The following GATB variants were observed in gnomAD, a reference collection of about 807,000 sequenced individuals.
The protein encoded by GATB is glutamyl-tRNA amidotransferase subunit B.
GATB carries 39 observed loss-of-function variants against 62.3 expected under a neutral mutation model. That is an observed-to-expected ratio of 0.63 (90% CI 0.48 to 0.82). The LOEUF (loss-of-function observed/expected upper bound fraction) is 0.82, where lower values mean the gene tolerates loss of function less well. GATB is among the 40% of genes least tolerant of loss of function. The probability of loss-of-function intolerance (pLI) is 0.00; values close to 1 mark genes in which losing one functional copy is unlikely to be tolerated. For missense variants in GATB, 670 were observed against 684.0 expected, an observed-to-expected ratio of 0.98 and a Z score of 0.23; for synonymous variants, 276 against 258.9, an observed-to-expected ratio of 1.07 and a Z score of -0.63.
At chr4:151,699,620 G>T (rs907143409) in intron 9 of GATB, among the ~76,000 whole-genome samples, 2 of 152,082 alleles carry the variant, frequency 1.3e-5, no homozygotes, top group African/African-American at 4.8e-5. Context: ...GGTAAGGCAG[G>T]CACTGTCCCC....
chr4:151,679,855 G>C lies in GATB; in HGVS notation c.1368C>G (p.Asp456Glu). The part of the protein sequence containing the change: ...VTPSALAELL[D>E]LLDSRTISSS... ...AAGAAATTGTTCTGCTGTCCAGCAG[G>C]TCAAGAAGCTCAGCGAGTGCAGAGG... Residue 456 changes from aspartate (D) to glutamate (E), a missense_variant, in exon 11 of 13, where the codon GAC becomes GAG. Asp to Glu is a conservative substitution (Grantham distance 45). Coordinates refer to ENST00000263985, the MANE Select transcript of GATB (RefSeq NM_004564.3). The C allele has an allele frequency of 1.9e-6, 3 of 1,614,120 alleles. No homozygotes were observed. Among genetic ancestry groups the C allele is most frequent in the Non-Finnish European group, 2.5e-6 (3 of 1,179,998 alleles).
chr4:151,704,719 C>T (rs1026405870), intron 7 of GATB, among the ~76,000 whole-genome samples: 31 of 148,328 alleles, frequency 2.1e-4, no homozygotes, highest in Admixed American at 4.7e-4. Context: ...TCCCAAAGTG[C>T]TGGGATTACA....
chr4:151,680,278 T>TAA (rs5862967), intron 10 of GATB, among the ~76,000 whole-genome samples: 4,344 of 143,964 alleles, frequency 0.03, 68 homozygotes, highest in Middle Eastern at 0.072. Context: ...AAAAATTACT[T>TAA]AAAAAAAAAA....
chr4:151,744,410 T>C (rs6829657), intron 2 of GATB, among the ~76,000 whole-genome samples: 2,012 of 152,112 alleles, frequency 0.013, 42 homozygotes, highest in African/African-American at 0.046. Context: ...ACAACATACA[T>C]AAAACATAAA....
At chr4:151,671,436 A>C (rs1737857812) in intron 12 of GATB, 134 bp from the exon 13 acceptor site, 2 of 842,282 alleles carry the variant, frequency 2.4e-6, no homozygotes, top group South Asian at 1.8e-5. Flanking sequence ...AAAATGTAGA[A>C]CAGAAAAAGG....
At chr4:151,685,343 A>G (rs1190055379) in intron 10 of GATB, among the ~76,000 whole-genome samples, 3 of 152,156 alleles carry the variant, frequency 2.0e-5, no homozygotes, top group Non-Finnish European at 4.4e-5. Flanking sequence ...CAGGAGGCTG[A>G]CAGCACCTGT....
At chr4:151,676,835 T>C (rs1738017081) in intron 11 of GATB, among the ~76,000 whole-genome samples, 1 of 152,160 alleles carries the variant, frequency 6.6e-6, no homozygotes, top group South Asian at 2.1e-4. Context: ...GGATGAGGTT[T>C]GTAAATGTCG....
chr4:151,694,769 A>C, intron 9 of GATB, among the ~76,000 whole-genome samples: 1 of 152,184 alleles, frequency 6.6e-6, no homozygotes, highest in East Asian at 1.9e-4. Flanking sequence ...GGATATATAG[A>C]TATTTATCAT....
At chr4:151,700,415 C>CTCAT in intron 9 of GATB, among the ~76,000 whole-genome samples, 1 of 152,320 alleles carries the variant, frequency 6.6e-6, no homozygotes. Flanking sequence ...GAGAGAATCA[C>CTCAT]TCATTCAACA....
At chr4:151,685,000 G>A (rs1385077953) in intron 10 of GATB, among the ~76,000 whole-genome samples, 1 of 152,156 alleles carries the variant, frequency 6.6e-6, no homozygotes, top group East Asian at 1.9e-4. Context: ...TTGTGGCTGT[G>A]CCATCTGAGG....
At chr4:151,702,981 G>A (rs974237317) in intron 8 of GATB, among the ~76,000 whole-genome samples, 10 of 152,144 alleles carry the variant, frequency 6.6e-5, no homozygotes, top group African/African-American at 1.7e-4. Context: ...CTGAAGCCAC[G>A]GGCGGATGGA....
chr4:151,682,315 G>C (rs913581405), intron 10 of GATB, among the ~76,000 whole-genome samples: 1 of 152,088 alleles, frequency 6.6e-6, no homozygotes, highest in Admixed American at 6.5e-5. Context: ...GGCTAAACTT[G>C]AGTCAGACGA....
chr4:151,687,521 C>A (rs1738274946), intron 10 of GATB, among the ~76,000 whole-genome samples: 1 of 152,238 alleles, frequency 6.6e-6, no homozygotes, highest in Admixed American at 6.5e-5. Flanking sequence ...CATTTCTCAT[C>A]CGCATTCCTG....
rs376561522 is a variant in GATB, at chr4:151,717,856, G to A, written c.442-782C>T. ...ATCTGTGGCACTTCCTAGGTCCCAG[G>A]TGCTGCTCTCACTGTGTTCCCTCAG... is the stretch of plus-strand genomic sequence containing the variant. On this transcript the variant is annotated intron_variant, in intron 3 of 12. Coordinates refer to ENST00000263985, the MANE Select transcript of GATB (RefSeq NM_004564.3). Among the ~76,000 whole-genome samples, 87 of 152,306 alleles carry A rather than the reference G, an allele frequency of 5.7e-4. 1 individual carries two copies. In the Middle Eastern group the frequency reaches 0.01, roughly 18 times the overall value.
In GATB at chr4:151,705,170, G is replaced by A. The variant is rs747369257; in HGVS notation, c.962+15C>T. The A allele has an allele frequency of 5.0e-6, 8 of 1,596,174 alleles. No homozygotes were observed. In the East Asian group the frequency reaches 1.3e-4, roughly 27 times the overall value. On this transcript the variant is annotated intron_variant, in intron 7 of 12. Coordinates refer to ENST00000263985, the MANE Select transcript of GATB (RefSeq NM_004564.3). Reference sequence around the variant, plus strand: ...CCCCCGGCTGTGGTCAGGACGCTCAGCAATGCGAACTCACCCCAGCTTGTG... The same window carrying A: ...CCCCCGGCTGTGGTCAGGACGCTCAACAATGCGAACTCACCCCAGCTTGTG...
intron 7 of GATB, among the ~76,000 whole-genome samples, chr4:151,704,356 G>A (rs999275644): frequency 6.6e-6 from 1 of 152,202 alleles, no homozygotes; most frequent in Non-Finnish European, 1.5e-5. Flanking sequence ...AGCAGAGAAG[G>A]AAAGGGCCTA....
intron 10 of GATB, among the ~76,000 whole-genome samples, chr4:151,681,459 C>T (rs982715389): frequency 4.6e-5 from 7 of 152,210 alleles, no homozygotes; most frequent in African/African-American, 1.7e-4. Flanking sequence ...AAAAAACCTA[C>T]CTTTACTAAC....
chr4:151,728,373 T>C (rs1560858780), intron 2 of GATB, among the ~76,000 whole-genome samples: 1 of 152,240 alleles, frequency 6.6e-6, no homozygotes, highest in Non-Finnish European at 1.5e-5. Flanking sequence ...ATAAAGGATA[T>C]GGGAATCATG....
At chr4:151,688,868 G>T in intron 9 of GATB, 105 bp from the exon 10 acceptor site, 1 of 1,131,108 alleles carries the variant, frequency 8.8e-7, no homozygotes, top group Non-Finnish European at 1.2e-6. Context: ...CTCTGAGACA[G>T]CCACTTTTTC....
Sources: allele counts gnomAD v4.1 joint callset (sites outside exome capture counted in the v4.1 genomes callset), GRCh38; gene constraint gnomAD v4.1.1; transcripts MANE v1.5; gene names NCBI Gene and HGNC (gene_info 2026-07-23, HGNC 2026-07-21).